AHNAK2: variants seen among roughly 807,000 people sequenced by gnomAD.
The protein encoded by AHNAK2 is AHNAK nucleoprotein 2, also known as protein AHNAK2.
Under a neutral mutation model 30.7 loss-of-function variants are expected in AHNAK2, and 18 were observed. The observed-to-expected ratio is 0.59, with a 90% CI of 0.41 to 0.87. AHNAK2 has a LOEUF of 0.87. Ranked by LOEUF, AHNAK2 falls within the 40% of genes least tolerant of loss-of-function variation. AHNAK2 has a pLI of 0.00. For missense variants in AHNAK2, 8,604 were observed against 7,373.0 expected (o/e 1.17, Z -6.11); for synonymous variants, 3,590 against 3,073.8 (o/e 1.17, Z -5.56).
rs374591858 is a variant in AHNAK2, at chr14:104,957,513, C to T, written c.115-5G>A. ...ATCCGCAGGCCCTTCAGTCACCTGA[C>T]GGGAGAGAATCCAGTTATTTTTGCC... On this transcript the variant is annotated splice_region_variant and splice_polypyrimidine_tract_variant and intron_variant, in intron 2 of 6. Transcript: ENST00000333244. 29 of 1,595,418 alleles carry T rather than the reference C, an allele frequency of 1.8e-5. No homozygotes were observed. Among genetic ancestry groups the T allele is most frequent in the East Asian group, 2.3e-5 (1 of 44,110 alleles).
rs371213554 is a variant in AHNAK2, at chr14:104,950,047, T to C, written c.5404A>G (p.Ser1802Gly). The change falls in exon 7 of 7, where the codon AGT (serine) becomes GGT (glycine). Residue 1802 changes from serine to glycine, a missense_variant. Transcript: ENST00000333244. ...DVEAPGAKLD[S>G]VRLEGDLSLA... is the part of the protein sequence containing the mutation. ...GACAGGTCACCCTCCAGCCGCACAC[T>C]GTCCAGCTTGGCTCCTGGAGCCTCG... is the stretch of plus-strand genomic sequence containing the variant. The C allele has an allele frequency of 8.3e-5, 131 of 1,583,088 alleles. 18 individuals carry two copies. Among genetic ancestry groups the C allele is most frequent in the Admixed American group, 5.9e-4 (34 of 57,340 alleles).
Position 104,951,866 on chromosome 14 carries a change from G to C in AHNAK2, c.3585C>G (p.Ala1195=). Residue 1195 remains alanine (A), a synonymous_variant, in exon 7 of 7, where the codon GCC becomes GCG. Coordinates refer to ENST00000333244, the MANE Select transcript of AHNAK2 (RefSeq NM_138420.4). ...SVDVSAPKVE[A]DVSLPSMQGD... ...CCTGCATGGAGGGGAGACTCACGTC[G>C]GCCTCCACTTTGGGTGCAGACACAT... The C allele has an allele frequency of 3.1e-6, 5 of 1,607,514 alleles. 1 individual carries two copies. In the African/African-American group the frequency reaches 5.4e-5, roughly 18 times the overall value.
rs756052629 is a variant in AHNAK2 at position 104,948,112 on chromosome 14, G to A, written c.7339C>T (p.Pro2447Ser). ...VMAPDVEVSQ[P>S]SVEVDVEAPG... ...GCCTCGACATCCACCTCCACGCTGG[G>A]CTGAGACACCTCCACGTCGGGGGCC... Residue 2447 changes from proline (P) to serine (S), a missense_variant, in exon 7 of 7, where the codon CCC (proline) becomes TCC (serine). By Grantham distance (74) the Pro-to-Ser change is moderately conservative (BLOSUM62 -1). Transcript: ENST00000333244. 1.2e-5 allele frequency: 20 copies of A among 1,611,182 alleles called. No homozygotes were observed. Among genetic ancestry groups the A allele is most frequent in the Admixed American group, 1.7e-5 (1 of 59,812 alleles).
At chr14:104,959,707 C>T (rs1015459715) in intron 1 of AHNAK2, among the ~76,000 whole-genome samples, 50 of 152,258 alleles carry the variant, frequency 3.3e-4, no homozygotes, top group African/African-American at 1.2e-3. Flanking sequence ...TTGGAAATGT[C>T]ATTGCTAGCA....
rs779824543 is a variant in AHNAK2, at chr14:104,950,089, T to C, written c.5362A>G (p.Ser1788Gly). Residue 1788 changes from serine (S) to glycine (G), a missense_variant, in exon 7 of 7, where the codon AGC (serine) becomes GGC (glycine). Coordinates refer to ENST00000333244, the MANE Select transcript of AHNAK2 (RefSeq NM_138420.4). The stretch of plus-strand genomic sequence containing the variant: ...GGAGCCTCGACGTCCACCTCCACGC[T>C]GGGCAGAGACACCTCCACGTCGGGG... ...MAPDVEVSLP[S>G]VEVDVEAPGA... 3.8e-6 allele frequency: 6 copies of C among 1,586,946 alleles called. 1 individual carries two copies. The African/African-American group carries it at 6.9e-5, about 18-fold the overall frequency.
chr14:104,967,149 T>C (rs1157145293), intron 1 of AHNAK2, among the ~76,000 whole-genome samples: 1 of 152,096 alleles, frequency 6.6e-6, no homozygotes, highest in Non-Finnish European at 1.5e-5. Context: ...GCACTCAGGG[T>C]GGGGCAGGTG....
Position 104,943,492 on chromosome 14 carries a change from T to A in AHNAK2, c.11959A>T (p.Met3987Leu). Residue 3987 changes from methionine to leucine, a missense_variant, in exon 7 of 7, where the codon ATG (methionine) becomes TTG (leucine). Met to Leu is a conservative substitution (Grantham distance 15). Coordinates refer to ENST00000333244, the MANE Select transcript of AHNAK2 (RefSeq NM_138420.4). ...GCGGTCACATCCACTGATGCCTCCA[T>A]GGACTTGCCTGGGGCAGACACCCCG... ...SFGVSAPGKS[M>L]EASVDVTAPK... 1.2e-6 allele frequency: 2 copies of A among 1,613,006 alleles called. No homozygotes were observed. The highest frequency in any genetic ancestry group is 1.7e-6 in the Non-Finnish European group (2 of 1,179,576).
rs371083707 is a variant in AHNAK2, at chr14:104,954,352, C to T, written c.1099G>A (p.Glu367Lys). 24 of 1,613,320 alleles carry T rather than the reference C, an allele frequency of 1.5e-5. No homozygotes were observed. Among genetic ancestry groups the T allele is most frequent in the African/African-American group, 8.0e-5 (6 of 74,928 alleles). ...CTGCCTGTGGCAGCCCCAGTCTCCTCGAGGCTATCACCCCAGGGCCCCAAC... is the reference window on the plus strand; with the variant it reads ...CTGCCTGTGGCAGCCCCAGTCTCCTTGAGGCTATCACCCCAGGGCCCCAAC... The part of the protein sequence containing the change: ...EELGPWGDSL[E>K]ETGAATGSRR... The change falls in exon 7 of 7, where the codon GAG becomes AAG. Residue 367 changes from glutamate (E) to lysine (K), a missense_variant. Transcript: ENST00000333244. The surrounding 1 kb of genome is among the most constrained non-coding windows in gnomAD (Gnocchi z 4.3).
chr14:104,946,903 G>A lies in AHNAK2; in HGVS notation c.8548C>T (p.Pro2850Ser), dbSNP rs201236897. ...GTCTTAAGATCCCCTTGCATGGAGG[G>A]GAAGCTCCCGTCAGCTTCCACCTTC... ...ELKVEADGSF[P>S]SMQGDLKTTD... is the part of the protein sequence containing the mutation. The change falls in exon 7 of 7, where the codon CCC becomes TCC. Residue 2850 changes from proline (P) to serine (S), a missense_variant. Pro to Ser is a moderately conservative substitution (Grantham distance 74). Transcript: ENST00000333244. 2.1e-4 allele frequency: 335 copies of A among 1,612,532 alleles called. 18 individuals are homozygous for A. The East Asian group carries it at 2.8e-3, about 13-fold the overall frequency.
Position 104,937,892 on chromosome 14 carries a change from G to T in AHNAK2, c.*171C>A. Reference sequence around the variant, plus strand: ...CTGGGAAGCTTTGGTTCCATTTTAGGAGGGCTGTGTGATGGTGACAAAGGT... The same window carrying T: ...CTGGGAAGCTTTGGTTCCATTTTAGTAGGGCTGTGTGATGGTGACAAAGGT... On this transcript the variant is annotated 3_prime_UTR_variant, in exon 7 of 7. Transcript: ENST00000333244. 1.5e-6 allele frequency: 1 copy of T among 653,380 alleles called. No homozygotes were observed. Among genetic ancestry groups the T allele is most frequent in the Non-Finnish European group, 2.4e-6 (1 of 422,506 alleles). The allele number at this position is 653,380 out of a possible 1,614,324, so 40.5% of individuals were successfully genotyped here.
At position 104,947,968 on chromosome 14, in the gene AHNAK2, C is replaced by T. The variant is rs372112311; in HGVS notation, c.7483G>A (p.Val2495Met). ...TCGATGGACTTGCCTGGGGCAGACA[C>T]CCCGAATGACGGCATCTTGAACTTG... ...IPKFKMPSFG[V>M]SAPGKSIEAS... Residue 2495 changes from valine (V) to methionine (M), a missense_variant, in exon 7 of 7, where the codon GTG (valine) becomes ATG (methionine). Physicochemically the swap from Val to Met is conservative, Grantham distance 21. Coordinates refer to ENST00000333244, the MANE Select transcript of AHNAK2 (RefSeq NM_138420.4). 96 of 1,612,736 alleles carry T rather than the reference C, an allele frequency of 6.0e-5. No homozygotes were observed. The highest frequency in any genetic ancestry group is 8.0e-5 in the Non-Finnish European group (94 of 1,179,644).
In AHNAK2 at chr14:104,955,563, G is replaced by C. The variant is rs143110230; in HGVS notation, c.386C>G (p.Thr129Arg). Reference protein sequence around the residue: ...VEAGASGYSVTGGGDQGIFVK... With the variant: ...VEAGASGYSVRGGGDQGIFVK... ...GAAGATCCCCTGGTCCCCACCACCTGTGACACTGTAGCCACTGGCTCCTGC... is the reference window on the plus strand; with the variant it reads ...GAAGATCCCCTGGTCCCCACCACCTCTGACACTGTAGCCACTGGCTCCTGC... Residue 129 changes from threonine to arginine, a missense_variant, in exon 5 of 7, where the codon ACA becomes AGA. Thr to Arg is a moderately conservative substitution (Grantham distance 71). Coordinates refer to ENST00000333244, the MANE Select transcript of AHNAK2 (RefSeq NM_138420.4). The C allele has an allele frequency of 1.6e-3, 2,552 of 1,613,708 alleles. 5 individuals are homozygous for C. The highest frequency in any genetic ancestry group is 1.9e-3 in the Non-Finnish European group (2,257 of 1,179,838).
chr14:104,942,352 G>C lies in AHNAK2; in HGVS notation c.13099C>G (p.Pro4367Ala). Reference sequence around the variant, plus strand: ...GCTCCCTCATGCACAGGGCCCTCTGGGAGTTTCACATCCTCTTGGCCAGCC... The same window carrying C: ...GCTCCCTCATGCACAGGGCCCTCTGCGAGTTTCACATCCTCTTGGCCAGCC... ...VQAGQEDVKL[P>A]EGPVHEGAGL... The change falls in exon 7 of 7, where the codon CCA becomes GCA. Residue 4367 changes from proline (P) to alanine (A), a missense_variant. Pro to Ala is a conservative substitution (Grantham distance 27). Coordinates refer to ENST00000333244, the MANE Select transcript of AHNAK2 (RefSeq NM_138420.4). 6.2e-7 allele frequency: 1 copy of C among 1,613,060 alleles called. No homozygotes were observed. The highest frequency in any genetic ancestry group is 8.5e-7 in the Non-Finnish European group (1 of 1,179,704).
Position 104,944,642 on chromosome 14 carries a change from G to A in AHNAK2, c.10809C>T (p.Ser3603=), listed in dbSNP as rs781092494. 9.9e-6 allele frequency: 16 copies of A among 1,613,092 alleles called. No homozygotes were observed. Among genetic ancestry groups the A allele is most frequent in the Admixed American group, 3.3e-5 (2 of 59,958 alleles). The change falls in exon 7 of 7, where the codon AGC becomes AGT. Residue 3603 remains serine, a synonymous_variant. Transcript: ENST00000333244. ...RVPDVEVSLP[S]VEVDVQAPKA... is the part of the protein sequence containing the mutation. ...TCGGGGCCTGGACATCCACCTCCAC[G>A]CTGGGCAGAGACACCTCGACATCGG...
In AHNAK2 at chr14:104,938,229, G is replaced by A. The variant is rs1327791739; in HGVS notation, c.17222C>T (p.Ser5741Phe). ...ITFFDARESF[S>F]PEEKEEGELI... is the part of the protein sequence containing the mutation. ...TTCACCCTCTTCCTTCTCTTCAGGGGAGAAACTTTCTCGGGCATCAAAAAA... is the reference window on the plus strand; with the variant it reads ...TTCACCCTCTTCCTTCTCTTCAGGGAAGAAACTTTCTCGGGCATCAAAAAA... Residue 5741 changes from serine (S) to phenylalanine (F), a missense_variant, in exon 7 of 7, where the codon TCC becomes TTC. Coordinates refer to ENST00000333244, the MANE Select transcript of AHNAK2 (RefSeq NM_138420.4). 1.4e-5 allele frequency: 23 copies of A among 1,613,770 alleles called. No individual in the cohort carries two copies. The highest frequency in any genetic ancestry group is 1.8e-5 in the Non-Finnish European group (21 of 1,179,882).
chr14:104,942,533 C>T lies in AHNAK2; in HGVS notation c.12918G>A (p.Pro4306=), dbSNP rs371596783. The change falls in exon 7 of 7, where the codon CCG becomes CCA. Residue 4306 remains proline (P), a synonymous_variant. Transcript: ENST00000333244. ...SKFKMPKFKM[P]SFGVSAPGKS... The stretch of plus-strand genomic sequence containing the variant: ...TGCCTGGGGCAGACACCCCGAACGA[C>T]GGCATCTTGAACTTGGGCATTTTGA... 1.5e-4 allele frequency: 243 copies of T among 1,608,892 alleles called. 1 individual carries two copies. The highest frequency in any genetic ancestry group is 8.0e-4 in the African/African-American group (59 of 73,680).
chr14:104,964,137 GCAAACCAAAAGA>G (rs1376696675), intron 1 of AHNAK2, among the ~76,000 whole-genome samples: 1 of 152,178 alleles, frequency 6.6e-6, no homozygotes, highest in Non-Finnish European at 1.5e-5. Context: ...AAGAATTCTT[GCAAACCAAAAGA>G]CAAACAACCC....
In AHNAK2 at chr14:104,944,069, C is replaced by G; in HGVS notation, c.11382G>C (p.Lys3794Asn). 4 of 1,613,382 alleles carry G rather than the reference C, an allele frequency of 2.5e-6. No homozygotes were observed. The highest frequency in any genetic ancestry group is 2.5e-6 in the Non-Finnish European group (3 of 1,179,670). The change falls in exon 7 of 7, where the codon AAG (lysine) becomes AAC (asparagine). Residue 3794 changes from lysine to asparagine, a missense_variant. Lys to Asn is a moderately conservative substitution (Grantham distance 94, BLOSUM62 0). Transcript: ENST00000333244. Reference protein sequence around the residue: ...QLEGDLSLADKDVTAKDSKFK... With the variant: ...QLEGDLSLADNDVTAKDSKFK... Reference sequence around the variant, plus strand: ...ATTTGCTGTCTTTGGCAGTCACATCCTTGTCGGCCAGGGACAGGTCCCCCT... The same window carrying G: ...ATTTGCTGTCTTTGGCAGTCACATCGTTGTCGGCCAGGGACAGGTCCCCCT...
intron 1 of AHNAK2, among the ~76,000 whole-genome samples, chr14:104,975,790 T>A (rs1899575255): frequency 6.6e-6 from 1 of 152,170 alleles, no homozygotes; most frequent in Admixed American, 6.5e-5. Flanking sequence ...CATCCCTGGC[T>A]GCGTGGAGCT....
Sources: allele counts gnomAD v4.1 joint callset (sites outside exome capture counted in the v4.1 genomes callset), GRCh38; gene constraint gnomAD v4.1.1; non-coding constraint Gnocchi (gnomAD v3.1); transcripts MANE v1.5; gene names NCBI Gene and HGNC (gene_info 2026-07-23, HGNC 2026-07-21).